The following NTAQ1 variants were observed in gnomAD, a reference collection of about 807,000 sequenced individuals.
NTAQ1 encodes protein N-terminal glutamine amidohydrolase.
NTAQ1 carries 21 observed loss-of-function variants against 28.2 expected under a neutral mutation model. The ratio of observed to expected loss-of-function variants is 0.74; its 90% confidence interval spans 0.53 to 1.07. NTAQ1 has a LOEUF of 1.07. Among genes scored for constraint, NTAQ1 ranks in the 50% least tolerant of loss-of-function variants. The pLI is 0.00. For missense variants in NTAQ1, 264 were observed against 256.6 expected (o/e 1.03, Z -0.20); for synonymous variants, 105 against 90.0 (o/e 1.17, Z -0.94).
downstream of NTAQ1, among the ~76,000 whole-genome samples, chr8:123,443,825 G>A (rs184739606): frequency 1.3e-5 from 2 of 152,138 alleles, no homozygotes; most frequent in East Asian, 1.9e-4. Flanking sequence ...TGCCCACCTC[G>A]GCCTCTGAAA....
intron 6 of NTAQ1, chr8:123,454,877 T>G (rs1245623489): frequency 6.6e-6 from 1 of 152,240 alleles, no homozygotes; most frequent in African/African-American, 2.4e-5. Context: ...TGTGAATGGA[T>G]TTGTGATCAG....
At chr8:123,420,757 A>G (rs1019084714) in intron 1 of NTAQ1, among the ~76,000 whole-genome samples, 1 of 149,120 alleles carries the variant, frequency 6.7e-6, no homozygotes, top group African/African-American at 2.5e-5. Context: ...CACTTTTTTG[A>G]CTTCTTAAAT....
intron 6 of NTAQ1, among the ~76,000 whole-genome samples, chr8:123,465,423 C>A (rs1273169808): frequency 3.3e-5 from 5 of 152,222 alleles, no homozygotes; most frequent in East Asian, 3.9e-4. Context: ...CATACTAAAG[C>A]TTTGTAGTCA....
intron 3 of NTAQ1, chr8:123,435,483 A>T: frequency 1.0e-6 from 1 of 985,430 alleles, no homozygotes; most frequent in Non-Finnish European, 1.2e-6. Context: ...TTTGGAGCAG[A>T]TCCTTGCAGA....
chr8:123,458,477 G>A (rs991740467), intron 6 of NTAQ1, among the ~76,000 whole-genome samples: 2 of 152,110 alleles, frequency 1.3e-5, no homozygotes, highest in African/African-American at 4.8e-5. Flanking sequence ...AGCTGTCTGT[G>A]TGCTGGTCAG....
intron 6 of NTAQ1, among the ~76,000 whole-genome samples, chr8:123,466,841 G>A (rs978632336): frequency 1.3e-5 from 2 of 152,102 alleles, no homozygotes; most frequent in African/African-American, 2.4e-5. Context: ...ACAGTAAAGG[G>A]ATGATGGAAG....
At position 123,418,457 on chromosome 8, in the gene NTAQ1, A is replaced by AT. The variant is rs200126441; in HGVS notation, c.83+1525_83+1526insT. On this transcript the variant is annotated intron_variant, in intron 1 of 5. Transcript: ENST00000287387. ...AGCAAGACTCCATCTCAAAAAAAAA[A>AT]AAAAAATAAAAAGCCAAAAAAACAA... Among the ~76,000 whole-genome samples, 194 of 151,834 alleles carry AT rather than the reference A, an allele frequency of 1.3e-3. 1 individual carries two copies. The highest frequency in any genetic ancestry group is 3.4e-3 in the African/African-American group (141 of 41,408).
Position 123,427,987 on chromosome 8 carries a change from A to G in NTAQ1, c.147A>G (p.Glu49=). The change falls in exon 2 of 6, where the codon GAA becomes GAG. Residue 49 remains glutamate (E), a synonymous_variant. Coordinates refer to ENST00000287387, the MANE Select transcript of NTAQ1 (RefSeq NM_018024.3). ...IKNHDQYPLE[E]CYAVFISNER... is the part of the protein sequence containing the mutation. ...ACCATGACCAGTATCCTTTAGAAGA[A>G]TGTTATGCTGTCTTCATATCTAATG... 3 of 1,611,522 alleles carry G rather than the reference A, an allele frequency of 1.9e-6. No homozygotes were observed. Among genetic ancestry groups the G allele is most frequent in the East Asian group, 4.5e-5 (2 of 44,830 alleles).
At chr8:123,453,457 T>G (rs987698970) in intron 6 of NTAQ1, among the ~76,000 whole-genome samples, 3 of 151,896 alleles carry the variant, frequency 2.0e-5, no homozygotes, top group African/African-American at 7.3e-5. Flanking sequence ...GAACAGAGTT[T>G]TGCTCTTGTC....
intron 6 of NTAQ1, among the ~76,000 whole-genome samples, chr8:123,461,910 C>T (rs896304653): frequency 2.4e-4 from 37 of 152,008 alleles, no homozygotes; most frequent in African/African-American, 8.9e-4. Context: ...GTGTCACAGG[C>T]AAAAGCCCAG....
intron 6 of NTAQ1, among the ~76,000 whole-genome samples, chr8:123,464,218 G>A (rs1396060536): frequency 6.6e-6 from 1 of 152,184 alleles, no homozygotes; most frequent in African/African-American, 2.4e-5. Context: ...GGAGCAAGGA[G>A]GCTGGGTCTT....
chr8:123,443,088 C>T (rs541113412), downstream of NTAQ1, among the ~76,000 whole-genome samples: 3 of 151,918 alleles, frequency 2.0e-5, no homozygotes, highest in East Asian at 1.9e-4. Context: ...GGCATGATCT[C>T]GGCTCACTGC....
downstream of NTAQ1, among the ~76,000 whole-genome samples, chr8:123,452,847 C>T (rs1210932291): frequency 1.3e-5 from 2 of 150,882 alleles, no homozygotes; most frequent in African/African-American, 4.9e-5. Context: ...GTGGAGATCG[C>T]ACCATTGCAC....
At chr8:123,438,166 A>G in intron 5 of NTAQ1, 1 of 702,306 alleles carries the variant, frequency 1.4e-6, no homozygotes, top group Non-Finnish European at 2.6e-6. Context: ...CCTGACATTT[A>G]AGAAGATAAA....
chr8:123,448,904 G>A (rs1237226812), downstream of NTAQ1, among the ~76,000 whole-genome samples: 1 of 152,142 alleles, frequency 6.6e-6, no homozygotes, highest in African/African-American at 2.4e-5. Flanking sequence ...ACATGAACAG[G>A]TCCCTGAGAG....
At chr8:123,435,098 T>C (rs1017651252) in intron 3 of NTAQ1, among the ~76,000 whole-genome samples, 3 of 152,208 alleles carry the variant, frequency 2.0e-5, no homozygotes, top group Non-Finnish European at 4.4e-5. Flanking sequence ...TTGGTATTAC[T>C]AATGTTGCTA....
downstream of NTAQ1, among the ~76,000 whole-genome samples, chr8:123,442,970 C>T (rs1290713242): frequency 1.4e-5 from 2 of 145,846 alleles, no homozygotes; most frequent in Non-Finnish European, 3.0e-5. Flanking sequence ...GCCCGGCCCC[C>T]TTCCCTAGAA....
intron 6 of NTAQ1, among the ~76,000 whole-genome samples, chr8:123,461,195 C>T (rs1475659874): frequency 6.6e-6 from 1 of 152,154 alleles, no homozygotes; most frequent in Non-Finnish European, 1.5e-5. Flanking sequence ...AGCTTTCTTG[C>T]TCCTTGGAGG....
intron 6 of NTAQ1, chr8:123,455,191 G>GGCAGCTGA (rs1310718226): frequency 6.6e-6 from 1 of 152,216 alleles, no homozygotes; most frequent in Non-Finnish European, 1.5e-5. Flanking sequence ...CAGCAGAGAA[G>GGCAGCTGA]GCAGCTGAGT....
Sources: gnomAD v4.1 joint callset for allele counts (sites outside exome capture counted in the v4.1 genomes callset) on GRCh38, gnomAD v4.1.1 for gene constraint, MANE v1.5 for transcripts, NCBI Gene and HGNC (gene_info 2026-07-23, HGNC 2026-07-21) for gene names.